DERA: variants seen among roughly 807,000 people sequenced by gnomAD.
DERA encodes the protein deoxyribose-phosphate aldolase.
DERA carries 15 observed loss-of-function variants against 41.1 expected under a neutral mutation model. The ratio of observed to expected loss-of-function variants is 0.37; its 90% CI spans 0.24 to 0.56. The LOEUF is 0.56. Ranked by LOEUF, DERA falls within the 20% of genes least tolerant of loss-of-function variation. The pLI is 0.81. For synonymous variants in DERA, 139 were observed against 137.4 expected (o/e 1.01, Z -0.08); for missense variants, 396 against 403.4 (o/e 0.98, Z 0.16).
At chr12:15,956,115 C>T (rs896527273) in intron 1 of DERA, among the ~76,000 whole-genome samples, 33 of 152,292 alleles carry the variant, frequency 2.2e-4, no homozygotes, top group Middle Eastern at 3.4e-3. Context: ...CTAAGTACAA[C>T]GAATGGTTTC....
rs565125394 is a variant in DERA, at chr12:15,968,288, C to T, written c.508+5341C>T. On this transcript the variant is annotated intron_variant, in intron 5 of 8. Coordinates refer to ENST00000428559, the MANE Select transcript of DERA (RefSeq NM_015954.4). ...CTTGTATTTCCTGTATGTTTCTATGCCGTTAGCCTGGATCTGTAGTTAGTT... is the reference window on the plus strand; with the variant it reads ...CTTGTATTTCCTGTATGTTTCTATGTCGTTAGCCTGGATCTGTAGTTAGTT... Among the ~76,000 whole-genome samples the T allele has an allele frequency of 5.9e-5, 9 of 152,220 alleles. No individual in the cohort carries two copies. In the East Asian group the frequency reaches 1.7e-3, roughly 29 times the overall value.
rs368624032 is a variant in DERA, at chr12:16,036,300, G to A, written c.819G>A (p.Lys273=). The change falls in exon 8 of 9, where the codon AAG becomes AAA. Residue 273 remains lysine (K), a synonymous_variant. Coordinates refer to ENST00000428559, the MANE Select transcript of DERA (RefSeq NM_015954.4). The surrounding 1 kb of genome is among the most constrained non-coding windows in gnomAD (Gnocchi z 4.9). ...CCCTTGCTTGGCTCTCTCTTGTAAA[G>A]GAGGAGCTTGGAGATGAGTGGCTGA... ...KDSLAWLSLV[K]EELGDEWLKP... 5.0e-6 allele frequency: 8 copies of A among 1,613,620 alleles called. No homozygotes were observed. The highest frequency in any genetic ancestry group is 1.3e-5 in the African/African-American group (1 of 74,930).
At chr12:15,949,766 G>C (rs1948482998) in intron 1 of DERA, among the ~76,000 whole-genome samples, 1 of 152,218 alleles carries the variant, frequency 6.6e-6, no homozygotes, top group Admixed American at 6.5e-5. Flanking sequence ...TGGAAATGCA[G>C]AAATCACCCG....
In DERA at chr12:16,003,983, G is replaced by A. The variant is rs989324760; in HGVS notation, c.637+21547G>A. Reference sequence around the variant, plus strand: ...CATCATTGTGCAGAATGCTTAGAAGGGGTTGGTAGGGCTATTCATTAAGTG... The same window carrying A: ...CATCATTGTGCAGAATGCTTAGAAGAGGTTGGTAGGGCTATTCATTAAGTG... On this transcript the variant is annotated intron_variant, in intron 6 of 8. Coordinates refer to ENST00000428559, the MANE Select transcript of DERA (RefSeq NM_015954.4). This position sits in a 1 kb window ranked among gnomAD's most constrained non-coding sequence, Gnocchi z 4.8. Among the ~76,000 whole-genome samples, 18 of 152,134 alleles carry A rather than the reference G, an allele frequency of 1.2e-4. No individual in the cohort carries two copies. Among genetic ancestry groups the A allele is most frequent in the Non-Finnish European group, 2.2e-4 (15 of 68,028 alleles).
intron 7 of DERA, 128 bp downstream of exon 7, chr12:16,032,782 T>C (rs1375421773): frequency 6.1e-6 from 4 of 657,270 alleles, no homozygotes; most frequent in Non-Finnish European, 1.0e-5. Context: ...GATAAATGTT[T>C]AATTTACCTT....
Position 15,967,861 on chromosome 12 carries a change from A to G in DERA, c.508+4914A>G, listed in dbSNP as rs768689731. 6.6e-6 allele frequency among the ~76,000 whole-genome samples: 1 copy of G among 152,208 alleles called. No individual in the cohort carries two copies. Among genetic ancestry groups the G allele is most frequent in the Non-Finnish European group, 1.5e-5 (1 of 68,042 alleles). On this transcript the variant is annotated intron_variant, in intron 5 of 8. Coordinates refer to ENST00000428559, the MANE Select transcript of DERA (RefSeq NM_015954.4). The surrounding 1 kb of genome is among the most constrained non-coding windows in gnomAD (Gnocchi z 4.9). ...GTGTGGCATGTATTGTAGGCTCTCA[A>G]AATTACAATACCTGACAAACATTTT...
In DERA at chr12:16,000,708, C is replaced by T. The variant is rs11835073; in HGVS notation, c.637+18272C>T. On this transcript the variant is annotated intron_variant, in intron 6 of 8. Coordinates refer to ENST00000428559, the MANE Select transcript of DERA (RefSeq NM_015954.4). The surrounding 1 kb of genome is among the most constrained non-coding windows in gnomAD (Gnocchi z 4.8). The stretch of plus-strand genomic sequence containing the variant: ...AAGCCAGCAAAGGCTGTTTGTAGAA[C>T]GTTAGCTGCTATCACACTGGCTTGA... 0.066 allele frequency among the ~76,000 whole-genome samples: 9,968 copies of T among 152,178 alleles called. 1,051 individuals are homozygous for T. Among genetic ancestry groups the T allele is most frequent in the African/African-American group, 0.22 (9,176 of 41,490 alleles).
At chr12:15,979,468 A>G (rs1948719385) in intron 5 of DERA, among the ~76,000 whole-genome samples, 1 of 152,266 alleles carries the variant, frequency 6.6e-6, no homozygotes, top group Non-Finnish European at 1.5e-5. Flanking sequence ...CCTGAGTAGA[A>G]GCAATCACTT....
rs76386416 is a variant in DERA, at chr12:15,936,907, T to C, written c.32-20029T>C. ...TGTCTTGTCCTGTCCTGTCCTGTCC[T>C]GTCCTGTCCTGTCCTGTCCTGTCCT... is the stretch of plus-strand genomic sequence containing the variant. On this transcript the variant is annotated intron_variant, in intron 1 of 8. Transcript: ENST00000428559. This position sits in a 1 kb window ranked among gnomAD's most constrained non-coding sequence, Gnocchi z 4.6. 0.058 allele frequency among the ~76,000 whole-genome samples: 8,296 copies of C among 142,796 alleles called. 476 individuals are homozygous for C. The highest frequency in any genetic ancestry group is 0.12 in the African/African-American group (4,687 of 37,732). 93.7% of individuals were successfully genotyped at this position (142,796 alleles called of 152,430 possible). A position where few individuals can be genotyped will look rare whatever the true frequency, so the allele number is the denominator to read the frequency against.
Position 15,993,258 on chromosome 12 carries a change from A to G in DERA, c.637+10822A>G, listed in dbSNP as rs1948813842. Among the ~76,000 whole-genome samples the G allele has an allele frequency of 6.6e-6, 1 of 152,118 alleles. No homozygotes were observed. The highest frequency in any genetic ancestry group is 2.4e-5 in the African/African-American group (1 of 41,400). ...ATGACTGAATGAAACCAAAACACTA[A>G]AAAAATGTGGTGATTAATAGGAAAT... On this transcript the variant is annotated intron_variant, in intron 6 of 8. Coordinates refer to ENST00000428559, the MANE Select transcript of DERA (RefSeq NM_015954.4). This position sits in a 1 kb window ranked among gnomAD's most constrained non-coding sequence, Gnocchi z 4.4.
Position 16,008,887 on chromosome 12 carries a change from A to G in DERA, c.638-23655A>G, listed in dbSNP as rs1296273023. Among the ~76,000 whole-genome samples, 4 of 152,222 alleles carry G rather than the reference A, an allele frequency of 2.6e-5. No homozygotes were observed. The highest frequency in any genetic ancestry group is 5.9e-5 in the Non-Finnish European group (4 of 68,038). ...TGACTGGGAAAGAAAGGACGTAGAG[A>G]ACTACAAACTTGATAAGGTAGAAAC... On this transcript the variant is annotated intron_variant, in intron 6 of 8. Coordinates refer to ENST00000428559, the MANE Select transcript of DERA (RefSeq NM_015954.4). The surrounding 1 kb of genome is among the most constrained non-coding windows in gnomAD (Gnocchi z 4.8).
chr12:16,033,552 T>A (rs1949107187), intron 7 of DERA, among the ~76,000 whole-genome samples: 1 of 149,196 alleles, frequency 6.7e-6, no homozygotes, highest in Non-Finnish European at 1.5e-5. Flanking sequence ...CTCAAAGGAT[T>A]TTTTTTTTTA....
intron 6 of DERA, among the ~76,000 whole-genome samples, chr12:15,991,198 C>G (rs1253704831): frequency 6.6e-6 from 1 of 152,118 alleles, no homozygotes; most frequent in Non-Finnish European, 1.5e-5. Flanking sequence ...TTGCGTTTCT[C>G]TAATAATCAG....
Position 15,998,697 on chromosome 12 carries a change from T to C in DERA, c.637+16261T>C, listed in dbSNP as rs1157764899. 6.6e-6 allele frequency among the ~76,000 whole-genome samples: 1 copy of C among 152,158 alleles called. No homozygotes were observed. Among genetic ancestry groups the C allele is most frequent in the African/African-American group, 2.4e-5 (1 of 41,432 alleles). ...TCAGATTCTGAGGTAGGAAGCACCT[T>C]TAGCATAGGCAGTCCACAGTTAACA... On this transcript the variant is annotated intron_variant, in intron 6 of 8. Coordinates refer to ENST00000428559, the MANE Select transcript of DERA (RefSeq NM_015954.4). This position sits in a 1 kb window ranked among gnomAD's most constrained non-coding sequence, Gnocchi z 4.8.
chr12:16,017,698 C>T lies in DERA; in HGVS notation c.638-14844C>T, dbSNP rs549479495. On this transcript the variant is annotated intron_variant, in intron 6 of 8. Coordinates refer to ENST00000428559, the MANE Select transcript of DERA (RefSeq NM_015954.4). This position sits in a 1 kb window ranked among gnomAD's most constrained non-coding sequence, Gnocchi z 5.5. ...TTTGAGGGCTTATATCTTTGCATACCCTGCTTAATTTTTTTCCAAGTGTCC... is the reference window on the plus strand; with the variant it reads ...TTTGAGGGCTTATATCTTTGCATACTCTGCTTAATTTTTTTCCAAGTGTCC... Among the ~76,000 whole-genome samples the T allele has an allele frequency of 7.9e-5, 12 of 152,134 alleles. No individual in the cohort carries two copies. The highest frequency in any genetic ancestry group is 2.4e-4 in the African/African-American group (10 of 41,516).
At chr12:15,950,200 G>A (rs142761753) in intron 1 of DERA, among the ~76,000 whole-genome samples, 10 of 152,340 alleles carry the variant, frequency 6.6e-5, no homozygotes, top group East Asian at 5.8e-4. Context: ...ATAAAAGAAT[G>A]GTTGCTCCAT....
Position 15,999,949 on chromosome 12 carries a change from G to A in DERA, c.637+17513G>A, listed in dbSNP as rs1415013026. Among the ~76,000 whole-genome samples, 1 of 152,108 alleles carries A rather than the reference G, an allele frequency of 6.6e-6. No individual in the cohort carries two copies. Among genetic ancestry groups the A allele is most frequent in the Non-Finnish European group, 1.5e-5 (1 of 68,018 alleles). On this transcript the variant is annotated intron_variant, in intron 6 of 8. Transcript: ENST00000428559. The surrounding 1 kb of genome is among the most constrained non-coding windows in gnomAD (Gnocchi z 5.3). ...ATGTGTTTAGGCTGGAGACAGGAAG[G>A]CCATTAGGAAGCTGTGATAACACTT...
rs768558394 is a variant in DERA at position 15,917,005 on chromosome 12, G to A, written c.31+5591G>A. Among the ~76,000 whole-genome samples, 8 of 152,206 alleles carry A rather than the reference G, an allele frequency of 5.3e-5. No homozygotes were observed. In the East Asian group the frequency reaches 1.2e-3, roughly 22 times the overall value. ...TGACTTTTTTGTCCCGAATTTCTAC[G>A]TCTGGAGTTTCTCTTAGTAGTTTCC... On this transcript the variant is annotated intron_variant, in intron 1 of 8. Transcript: ENST00000428559.
Position 15,995,179 on chromosome 12 carries a change from T to C in DERA, c.637+12743T>C, listed in dbSNP as rs1056313489. 7.9e-5 allele frequency among the ~76,000 whole-genome samples: 12 copies of C among 152,218 alleles called. No homozygotes were observed. Among genetic ancestry groups the C allele is most frequent in the African/African-American group, 2.9e-4 (12 of 41,440 alleles). On this transcript the variant is annotated intron_variant, in intron 6 of 8. Coordinates refer to ENST00000428559, the MANE Select transcript of DERA (RefSeq NM_015954.4). The surrounding 1 kb of genome is among the most constrained non-coding windows in gnomAD (Gnocchi z 5.1). ...ATGTTTCTAGAGGCCCTGAATGAGA[T>C]TGTATGTTGCACTTTACTTTTCTGT...
Sources: allele counts gnomAD v4.1 joint callset (sites outside exome capture counted in the v4.1 genomes callset), GRCh38; gene constraint gnomAD v4.1.1; non-coding constraint Gnocchi (gnomAD v3.1); transcripts MANE v1.5; gene names NCBI Gene and HGNC (gene_info 2026-07-23, HGNC 2026-07-21).